The following DISC1 variants were observed in gnomAD, a reference collection of about 807,000 sequenced individuals.
DISC1 encodes DISC1 scaffold protein.
DISC1 carries 57 observed loss-of-function variants against 84.5 expected under a neutral mutation model. That is an observed-to-expected ratio of 0.67 (90% confidence interval 0.55 to 0.84). The LOEUF (loss-of-function observed/expected upper bound fraction) is 0.84, where lower values mean the gene tolerates loss of function less well. DISC1 is among the 40% of genes least tolerant of loss of function. The pLI is 0.00. For synonymous variants in DISC1, 411 were observed against 415.2 expected (o/e 0.99, Z 0.12); for missense variants, 1,000 against 1,057.8 (o/e 0.95, Z 0.76).
chr1:231,778,032 C>G (rs1425985784), intron 6 of DISC1, among the ~76,000 whole-genome samples: 1 of 152,136 alleles, frequency 6.6e-6, no homozygotes, highest in Non-Finnish European at 1.5e-5. Flanking sequence ...AAGTCCAGCC[C>G]AGCAGAGCCG....
chr1:231,764,238 G>A (rs1428122775), intron 4 of DISC1, among the ~76,000 whole-genome samples: 1 of 152,152 alleles, frequency 6.6e-6, no homozygotes, highest in South Asian at 2.1e-4. Context: ...TGTTATTGAT[G>A]AGCTTTATTT....
chr1:231,980,430 G>A (rs975239374), intron 10 of DISC1, among the ~76,000 whole-genome samples: 6 of 152,118 alleles, frequency 3.9e-5, no homozygotes, highest in Non-Finnish European at 7.4e-5. Flanking sequence ...ACACTGTGAT[G>A]ATATTAATGT....
At chr1:231,827,298 A>G (rs2081928244) in intron 9 of DISC1, among the ~76,000 whole-genome samples, 1 of 152,186 alleles carries the variant, frequency 6.6e-6, no homozygotes, top group Non-Finnish European at 1.5e-5. Flanking sequence ...AATAAAAAAA[A>G]TTTAAACTAT....
At chr1:231,887,321 G>A (rs764508031) in intron 9 of DISC1, among the ~76,000 whole-genome samples, 18 of 152,156 alleles carry the variant, frequency 1.2e-4, no homozygotes, top group African/African-American at 1.9e-4. Context: ...CCATTTTCCC[G>A]TTTATCCTAG....
At chr1:231,805,240 G>A (rs754314569) in intron 8 of DISC1, among the ~76,000 whole-genome samples, 4 of 152,110 alleles carry the variant, frequency 2.6e-5, no homozygotes, top group African/African-American at 4.8e-5. Flanking sequence ...GTTTAAAGCC[G>A]ATAGCAAAAG....
At chr1:231,855,327 C>T in intron 9 of DISC1, 1 of 948,134 alleles carries the variant, frequency 1.1e-6, no homozygotes, top group African/African-American at 1.8e-5. Context: ...ATAATACATA[C>T]AATTTTTGTC....
chr1:231,829,830 TAC>T (rs1408177930), intron 9 of DISC1, among the ~76,000 whole-genome samples: 1 of 140,798 alleles, frequency 7.1e-6, no homozygotes, highest in Non-Finnish European at 1.5e-5. Context: ...AAAGGAAAAT[TAC>T]AGTCAAAGGG....
intron 2 of DISC1, among the ~76,000 whole-genome samples, chr1:231,697,117 C>A (rs1428361836): frequency 6.6e-6 from 1 of 152,202 alleles, no homozygotes; most frequent in East Asian, 1.9e-4. Flanking sequence ...GGTGCTTACA[C>A]AGAGGCCCCA....
chr1:231,902,093 C>G (rs2088226526), intron 9 of DISC1, among the ~76,000 whole-genome samples: 1 of 151,940 alleles, frequency 6.6e-6, no homozygotes, highest in African/African-American at 2.4e-5. Flanking sequence ...AAAATCAGTA[C>G]ATTATGGCAA....
In DISC1 at chr1:231,825,786, T is replaced by A. The variant is rs571912156; in HGVS notation, c.1981+7269T>A. ...CCTATGATTTGAAAATATGTTGTCA[T>A]GATCATTAGAACTTGCCTGGAATTA... On this transcript the variant is annotated intron_variant, in intron 9 of 12. Coordinates refer to ENST00000439617, the MANE Select transcript of DISC1 (RefSeq NM_018662.3). 2.0e-5 allele frequency among the ~76,000 whole-genome samples: 3 copies of A among 152,356 alleles called. No individual in the cohort carries two copies. The South Asian group carries it at 6.2e-4, about 32-fold the overall frequency.
At chr1:231,908,685 A>G (rs1307182602) in intron 9 of DISC1, among the ~76,000 whole-genome samples, 2 of 152,182 alleles carry the variant, frequency 1.3e-5, no homozygotes, top group Non-Finnish European at 2.9e-5. Flanking sequence ...ACTTTAAAGT[A>G]GTTTTTTCCA....
At chr1:231,663,442 G>A (rs893418498) in intron 1 of DISC1, among the ~76,000 whole-genome samples, 21 of 152,134 alleles carry the variant, frequency 1.4e-4, no homozygotes, top group African/African-American at 5.1e-4. Flanking sequence ...GGACATCCTG[G>A]ACATCTGCAG....
chr1:232,013,136 T>A (rs1018051783), intron 11 of DISC1, among the ~76,000 whole-genome samples: 4 of 152,116 alleles, frequency 2.6e-5, no homozygotes, highest in African/African-American at 7.2e-5. Context: ...ACCTGCGTAA[T>A]TTTTTTCTTT....
intron 3 of DISC1, among the ~76,000 whole-genome samples, chr1:231,710,468 A>G (rs2067678023): frequency 6.6e-6 from 1 of 152,244 alleles, no homozygotes; most frequent in African/African-American, 2.4e-5. Flanking sequence ...GGTCCAAACT[A>G]TGCATTTGGT....
chr1:231,781,306 T>C (rs2077413263), intron 6 of DISC1, among the ~76,000 whole-genome samples: 1 of 151,870 alleles, frequency 6.6e-6, no homozygotes, highest in African/African-American at 2.4e-5. Flanking sequence ...TTTTAATATT[T>C]TACAAATTCT....
intron 3 of DISC1, among the ~76,000 whole-genome samples, chr1:231,718,713 G>A (rs995681419): frequency 2.6e-5 from 4 of 152,210 alleles, no homozygotes; most frequent in Non-Finnish European, 4.4e-5. Flanking sequence ...TGAGATTACA[G>A]GCATGAGCCA....
chr1:231,709,872 A>C (rs1368852572), intron 3 of DISC1, among the ~76,000 whole-genome samples: 1 of 152,196 alleles, frequency 6.6e-6, no homozygotes, highest in Non-Finnish European at 1.5e-5. Context: ...TTGATGAAGC[A>C]GAATGTGGTT....
At chr1:232,026,602 G>A (rs1376020085) in intron 12 of DISC1, 50 bp downstream of exon 12, 1 of 1,427,866 alleles carries the variant, frequency 7.0e-7, no homozygotes, top group Non-Finnish European at 9.7e-7. Context: ...TTTTATAAAA[G>A]AGAGTCTTTA....
chr1:231,656,033 C>A (rs2061034771), intron 1 of DISC1, among the ~76,000 whole-genome samples: 1 of 152,138 alleles, frequency 6.6e-6, no homozygotes, highest in Non-Finnish European at 1.5e-5. Flanking sequence ...TATTTTCTCC[C>A]ATTCTGTGAG....
Sources: gnomAD v4.1 joint callset for allele counts (sites outside exome capture counted in the v4.1 genomes callset) on GRCh38, gnomAD v4.1.1 for gene constraint, MANE v1.5 for transcripts, NCBI Gene and HGNC (gene_info 2026-07-23, HGNC 2026-07-21) for gene names.